GLIPR2: variants seen among roughly 807,000 people sequenced by gnomAD.
The protein encoded by GLIPR2 is Golgi-associated plant pathogenesis-related protein 1.
In GLIPR2, 21 loss-of-function variants were observed where a neutral mutation model predicts 20.4. That is an observed-to-expected ratio of 1.03 (90% CI 0.73 to 1.48). GLIPR2 has a LOEUF of 1.48. Among genes scored for constraint, GLIPR2 ranks in the 40% most tolerant of loss-of-function variants. The pLI, the probability that GLIPR2 is intolerant of heterozygous loss-of-function variation, is 0.00. For missense variants in GLIPR2, 205 were observed against 200.1 expected, an observed-to-expected ratio of 1.02 and a Z score of -0.15; for synonymous variants, 91 against 80.5, an observed-to-expected ratio of 1.13 and a Z score of -0.70.
chr9:36,157,537 G>C (rs765149096), intron 4 of GLIPR2, among the ~76,000 whole-genome samples: 8 of 151,540 alleles, frequency 5.3e-5, no homozygotes, highest in Non-Finnish European at 1.0e-4. Context: ...AGTAGAGACG[G>C]GGTTTCACCA....
In GLIPR2 at chr9:36,162,680, C is replaced by T. The variant is rs1457842952; in HGVS notation, c.*158C>T. ...GGCACACACACTTGGACATACAGTT[C>T]TGTGTGCGCTCATTCTTATTACAGG... On this transcript the variant is annotated 3_prime_UTR_variant, in exon 5 of 5. Coordinates refer to ENST00000377960, the MANE Select transcript of GLIPR2 (RefSeq NM_022343.4). 1 of 704,842 alleles carries T rather than the reference C, an allele frequency of 1.4e-6. No individual in the cohort carries two copies. The highest frequency in any genetic ancestry group is 2.4e-6 in the Non-Finnish European group (1 of 413,510). 43.7% of individuals were successfully genotyped at this position (704,842 alleles called of 1,614,324 possible).
chr9:36,161,059 AAAAG>A (rs1356428898), intron 4 of GLIPR2, among the ~76,000 whole-genome samples: 3 of 152,158 alleles, frequency 2.0e-5, no homozygotes, highest in Non-Finnish European at 4.4e-5. Context: ...AAAGAAAAGA[AAAAG>A]AAAATGATTT....
intron 1 of GLIPR2, among the ~76,000 whole-genome samples, chr9:36,141,255 G>A (rs557863041): frequency 1.1e-4 from 16 of 152,282 alleles, no homozygotes; most frequent in African/African-American, 3.6e-4. Flanking sequence ...GTCCAAGATC[G>A]CATGGCCAGT....
intron 4 of GLIPR2, among the ~76,000 whole-genome samples, chr9:36,160,422 G>A (rs530743410): frequency 5.3e-5 from 8 of 152,294 alleles, no homozygotes; most frequent in African/African-American, 1.9e-4. Context: ...GAGCCCTGGA[G>A]GTGGAAGCTG....
intron 4 of GLIPR2, among the ~76,000 whole-genome samples, chr9:36,154,254 G>C (rs1184715163): frequency 6.6e-6 from 1 of 151,934 alleles, no homozygotes; most frequent in Non-Finnish European, 1.5e-5. Flanking sequence ...TGAACACTGA[G>C]AGCTATCGAA....
intron 4 of GLIPR2, among the ~76,000 whole-genome samples, chr9:36,156,384 C>G (rs12336167): frequency 2.5e-5 from 1 of 39,852 alleles, no homozygotes; most frequent in East Asian, 8.4e-4. Flanking sequence ...GAAGCCATGT[C>G]TAAAAAAAAA....
chr9:36,157,713 CAT>C lies in GLIPR2; in HGVS notation c.305-4639_305-4638del, dbSNP rs141650170. The stretch of plus-strand genomic sequence containing the variant: ...ACACACACACACACACACACACACA[CAT>C]ATATATATACACATATATACATATA... On this transcript the variant is annotated intron_variant, in intron 4 of 4. Coordinates refer to ENST00000377960, the MANE Select transcript of GLIPR2 (RefSeq NM_022343.4). Among the ~76,000 whole-genome samples, 404 of 106,792 alleles carry C rather than the reference CAT, an allele frequency of 3.8e-3. 4 individuals are homozygous for C. The highest frequency in any genetic ancestry group is 0.011 in the Admixed American group (119 of 11,024). 70.1% of individuals were successfully genotyped at this position (106,792 alleles called of 152,430 possible).
upstream of GLIPR2, chr9:36,136,584 G>A (rs1423586792): frequency 5.4e-6 from 2 of 367,210 alleles, no homozygotes; most frequent in Non-Finnish European, 9.6e-6. The surrounding 1 kb of genome is among the most constrained non-coding windows in gnomAD (Gnocchi z 4.3). Context: ...CTTCCCAGGG[G>A]TGAGCTCTCC....
intron 4 of GLIPR2, among the ~76,000 whole-genome samples, chr9:36,161,218 T>A (rs938638466): frequency 1.3e-5 from 2 of 152,000 alleles, no homozygotes; most frequent in African/African-American, 4.8e-5. Context: ...GACTGAATAC[T>A]AGGTTGTTGT....
At chr9:36,140,026 C>CTA (rs970785369) in intron 1 of GLIPR2, among the ~76,000 whole-genome samples, 4 of 152,154 alleles carry the variant, frequency 2.6e-5, no homozygotes, top group Non-Finnish European at 5.9e-5. Flanking sequence ...TCAACTCATT[C>CTA]TATAGATTTA....
chr9:36,162,745 C>A lies in GLIPR2; in HGVS notation c.*223C>A. Reference sequence around the variant, plus strand: ...GCATTTACCCCGATGGTTACCTAGACCACGATTATTTGGATTGGGGGGAGG... The same window carrying A: ...GCATTTACCCCGATGGTTACCTAGAACACGATTATTTGGATTGGGGGGAGG... On this transcript the variant is annotated 3_prime_UTR_variant, in exon 5 of 5. Coordinates refer to ENST00000377960, the MANE Select transcript of GLIPR2 (RefSeq NM_022343.4). 1 of 606,190 alleles carries A rather than the reference C, an allele frequency of 1.6e-6. No homozygotes were observed. Among genetic ancestry groups the A allele is most frequent in the South Asian group, 1.8e-5 (1 of 54,226 alleles). 37.6% of individuals were successfully genotyped at this position (606,190 alleles called of 1,614,324 possible).
At chr9:36,155,352 T>G (rs1161539638) in intron 4 of GLIPR2, among the ~76,000 whole-genome samples, 3 of 152,202 alleles carry the variant, frequency 2.0e-5, no homozygotes, top group Admixed American at 2.0e-4. Context: ...CCCAGCACTT[T>G]GGGAGGCCAA....
chr9:36,147,954 A>G, intron 2 of GLIPR2, 60 bp downstream of exon 2: 1 of 840,142 alleles, frequency 1.2e-6, no homozygotes, highest in Non-Finnish European at 2.1e-6. Context: ...TGCAGTCACA[A>G]AGGGGCCCTG....
At chr9:36,145,566 G>T (rs945288696) in intron 1 of GLIPR2, among the ~76,000 whole-genome samples, 2 of 152,214 alleles carry the variant, frequency 1.3e-5, no homozygotes, top group Admixed American at 1.3e-4. Context: ...ATGGACCTTG[G>T]ATGAATGGTA....
intron 1 of GLIPR2, among the ~76,000 whole-genome samples, chr9:36,145,268 G>T (rs1408826245): frequency 6.6e-6 from 1 of 152,224 alleles, no homozygotes; most frequent in Non-Finnish European, 1.5e-5. Context: ...TCATAGCCTG[G>T]CTGGCTAGCC....
At chr9:36,138,694 G>A (rs1106340) in intron 1 of GLIPR2, among the ~76,000 whole-genome samples, 13,145 of 152,174 alleles carry the variant, frequency 0.086, 683 homozygotes, top group Non-Finnish European at 0.099. Flanking sequence ...CATCCACTTG[G>A]ATTGTGAAAG....
At position 36,148,583 on chromosome 9, in the gene GLIPR2, G is replaced by A; in HGVS notation, c.159G>A (p.Lys53=). The A allele has an allele frequency of 6.2e-7, 1 of 1,614,106 alleles. No homozygotes were observed. The highest frequency in any genetic ancestry group is 8.5e-7 in the Non-Finnish European group (1 of 1,179,928). ...SEALASTRIL[K]HSPESSRGQC... Reference sequence around the variant, plus strand: ...CCCTGGCCAGCACGAGGATCCTCAAGCACAGCCCGGAGTCCAGCCGTGGCC... The same window carrying A: ...CCCTGGCCAGCACGAGGATCCTCAAACACAGCCCGGAGTCCAGCCGTGGCC... The change falls in exon 3 of 5, where the codon AAG becomes AAA. Residue 53 remains lysine (K), a synonymous_variant. Coordinates refer to ENST00000377960, the MANE Select transcript of GLIPR2 (RefSeq NM_022343.4).
At chr9:36,150,786 G>T (rs1825547250) in intron 3 of GLIPR2, 86 bp from the exon 4 acceptor site, 3 of 930,936 alleles carry the variant, frequency 3.2e-6, no homozygotes, top group Non-Finnish European at 5.1e-6. Flanking sequence ...CGCATTGGTG[G>T]CTTGGGGCTG....
chr9:36,144,876 C>T (rs1339959863), intron 1 of GLIPR2: 1 of 152,340 alleles, frequency 6.6e-6, no homozygotes, highest in African/African-American at 2.4e-5. Context: ...AAAGGCAAGC[C>T]CTGGGTCTTC....
Sources: gnomAD v4.1 joint callset for allele counts (sites outside exome capture counted in the v4.1 genomes callset) on GRCh38, gnomAD v4.1.1 for gene constraint, Gnocchi (gnomAD v3.1) non-coding constraint, MANE v1.5 for transcripts, NCBI Gene and HGNC (gene_info 2026-07-23, HGNC 2026-07-21) for gene names.